Variants in ACTG2 observed in about 807,000 individuals in gnomAD.
ACTG2 encodes the protein actin gamma 2, smooth muscle.
In ACTG2, 16 loss-of-function variants were observed where a neutral mutation model predicts 37.6. The ratio of observed to expected loss-of-function variants is 0.43; its 90% CI spans 0.29 to 0.65. The LOEUF is 0.65. ACTG2 is among the 30% of genes least tolerant of loss of function. The pLI, the probability that ACTG2 is intolerant of heterozygous loss-of-function variation, is 0.18. For missense variants in ACTG2, 238 were observed against 490.9 expected (o/e 0.48, Z 4.87); for synonymous variants, 181 against 179.9 (o/e 1.01, Z -0.05).
intron 3 of ACTG2, 136 bp from the exon 4 acceptor site, chr2:73,908,537 G>A: frequency 2.7e-6 from 2 of 753,606 alleles, no homozygotes; most frequent in South Asian, 1.8e-5. Context: ...GAAATTTCCA[G>A]GGCTGACCAT....
chr2:73,894,511 GA>G, intron 1 of ACTG2, among the ~76,000 whole-genome samples: 1 of 152,262 alleles, frequency 6.6e-6, no homozygotes, highest in East Asian at 1.9e-4. Context: ...AACATTTATT[GA>G]GCACTTATTA....
chr2:73,898,633 C>T (rs2104802542), intron 1 of ACTG2, among the ~76,000 whole-genome samples: 1 of 151,602 alleles, frequency 6.6e-6, no homozygotes, highest in African/African-American at 2.4e-5. Context: ...GAAGCCAATT[C>T]TCCATACCTT....
intron 3 of ACTG2, among the ~76,000 whole-genome samples, chr2:73,907,024 C>G (rs1466185707): frequency 6.6e-6 from 1 of 152,176 alleles, no homozygotes. Context: ...TGCTCACAGT[C>G]CAGGGCCTCT....
At chr2:73,904,107 G>A (rs1363715587) in intron 3 of ACTG2, among the ~76,000 whole-genome samples, 1 of 151,092 alleles carries the variant, frequency 6.6e-6, no homozygotes, top group Admixed American at 6.6e-5. Flanking sequence ...AAATTCACTG[G>A]GCATGGTAAC....
intron 3 of ACTG2, chr2:73,908,304 C>T: frequency 2.1e-6 from 1 of 473,692 alleles, no homozygotes; most frequent in Non-Finnish European, 4.4e-6. Flanking sequence ...TTGCAGGAAT[C>T]TTCTATCAGC....
At chr2:73,904,272 AGAAAG>A (rs1679958073) in intron 3 of ACTG2, among the ~76,000 whole-genome samples, 1 of 140,178 alleles carries the variant, frequency 7.1e-6, no homozygotes, top group Non-Finnish European at 1.6e-5. Context: ...AAAAAAAAAA[AGAAAG>A]GAAGGAAGGA....
intron 2 of ACTG2, chr2:73,901,877 G>T: frequency 5.2e-6 from 1 of 190,570 alleles, no homozygotes; most frequent in East Asian, 1.5e-4. Flanking sequence ...CTGTAATAGA[G>T]GTAAAATATT....
intron 5 of ACTG2, among the ~76,000 whole-genome samples, chr2:73,910,361 T>C (rs1315409803): frequency 7.3e-6 from 1 of 136,676 alleles, no homozygotes; most frequent in Non-Finnish European, 1.5e-5. Context: ...ACATCTTTTT[T>C]CGACTTTTTT....
chr2:73,912,447 G>A (rs549907190), intron 5 of ACTG2, among the ~76,000 whole-genome samples: 24 of 152,296 alleles, frequency 1.6e-4, no homozygotes, highest in Middle Eastern at 3.4e-3. Flanking sequence ...ATGAGCCACC[G>A]CGCCCAACCT....
Position 73,916,745 on chromosome 2 carries a change from C to A in ACTG2, c.967C>A (p.Pro323Thr), listed in dbSNP as rs1410036446. Residue 323 changes from proline (P) to threonine (T), a missense_variant, in exon 8 of 9, where the codon CCC becomes ACC. Transcript: ENST00000345517. ...GCAGAAGGAGATCACAGCCCTGGCC[C>A]CCAGCACCATGAAGATCAAGGTGGG... ...RMQKEITALA[P>T]STMKIKIIAP... 1 of 1,613,846 alleles carries A rather than the reference C, an allele frequency of 6.2e-7. No individual in the cohort carries two copies. Among genetic ancestry groups the A allele is most frequent in the Non-Finnish European group, 8.5e-7 (1 of 1,179,934 alleles).
chr2:73,918,277 A>G, intron 8 of ACTG2, among the ~76,000 whole-genome samples: 1 of 152,118 alleles, frequency 6.6e-6, no homozygotes, highest in Non-Finnish European at 1.5e-5. Flanking sequence ...GGGTGGGGGT[A>G]GGGCTTATAT....
chr2:73,901,724 A>G (rs1048767061), intron 2 of ACTG2: 61 of 422,300 alleles, frequency 1.4e-4, no homozygotes, highest in Admixed American at 6.2e-4. Flanking sequence ...CATCAGGCAC[A>G]CAATGACACT....
chr2:73,895,026 C>T (rs1019762809), intron 1 of ACTG2, among the ~76,000 whole-genome samples: 3 of 152,052 alleles, frequency 2.0e-5, no homozygotes, highest in Admixed American at 1.3e-4. Flanking sequence ...GCATGGGTGC[C>T]GTGCAGGTAG....
At chr2:73,909,196 G>C in intron 5 of ACTG2, 57 bp downstream of exon 5, 1 of 1,498,300 alleles carries the variant, frequency 6.7e-7, no homozygotes, top group African/African-American at 1.4e-5. Context: ...GGGAAAAGCT[G>C]GGGTCTGGCA....
At chr2:73,893,625 G>A (rs1296392622) in intron 1 of ACTG2, among the ~76,000 whole-genome samples, 1 of 152,126 alleles carries the variant, frequency 6.6e-6, no homozygotes, top group Non-Finnish European at 1.5e-5. Context: ...GATCATTGGG[G>A]GATGGAGAAA....
At chr2:73,910,017 C>T (rs1249070190) in intron 5 of ACTG2, among the ~76,000 whole-genome samples, 1 of 152,176 alleles carries the variant, frequency 6.6e-6, no homozygotes, top group South Asian at 2.1e-4. Flanking sequence ...GAGTTCCAGA[C>T]CAGCCTGGCC....
Position 73,906,208 on chromosome 2 carries a change from T to C in ACTG2, c.256-2465T>C, listed in dbSNP as rs1269435685. ...GGCTCACGCCTGTAATCCCAGCACT[T>C]TGGGAGGCGGAGGCGGGTGGATCAC... is the stretch of plus-strand genomic sequence containing the variant. On this transcript the variant is annotated intron_variant, in intron 3 of 8. Coordinates refer to ENST00000345517, the MANE Select transcript of ACTG2 (RefSeq NM_001615.4). Among the ~76,000 whole-genome samples, 5 of 151,950 alleles carry C rather than the reference T, an allele frequency of 3.3e-5. No individual in the cohort carries two copies. In the East Asian group the frequency reaches 9.7e-4, roughly 29 times the overall value.
chr2:73,897,621 A>G (rs887910178), intron 1 of ACTG2, among the ~76,000 whole-genome samples: 15 of 152,218 alleles, frequency 9.9e-5, no homozygotes, highest in African/African-American at 3.1e-4. Flanking sequence ...TTGTCATTCA[A>G]TATCTATTGA....
Position 73,914,676 on chromosome 2 carries a change from C to G in ACTG2, c.614-4C>G, listed in dbSNP as rs377258138. ...TCACCTTCTGTCATTTCTGCTCCTT[C>G]CAGCTGAGAGAGAAATTGTGCGAGA... On this transcript the variant is annotated splice_region_variant and splice_polypyrimidine_tract_variant and intron_variant, in intron 6 of 8. Coordinates refer to ENST00000345517, the MANE Select transcript of ACTG2 (RefSeq NM_001615.4). 4 of 1,569,628 alleles carry G rather than the reference C, an allele frequency of 2.5e-6. No homozygotes were observed. Among genetic ancestry groups the G allele is most frequent in the Non-Finnish European group, 2.6e-6 (3 of 1,156,206 alleles).
Sources: allele counts gnomAD v4.1 joint callset (sites outside exome capture counted in the v4.1 genomes callset), GRCh38; gene constraint gnomAD v4.1.1; transcripts MANE v1.5; gene names NCBI Gene and HGNC (gene_info 2026-07-23, HGNC 2026-07-21).